The following PIGL variants were observed in gnomAD, a reference collection of about 807,000 sequenced individuals.
PIGL encodes N-acetylglucosaminyl-phosphatidylinositol de-N-acetylase.
In PIGL, 22 loss-of-function variants were observed where a neutral mutation model predicts 31.1. The ratio of observed to expected loss-of-function variants is 0.71; its 90% confidence interval spans 0.51 to 1.01. The LOEUF is 1.01. PIGL is among the 50% of genes least tolerant of loss of function. The probability of loss-of-function intolerance (pLI) is 0.00; values close to 1 mark genes in which losing one functional copy is unlikely to be tolerated. For synonymous variants in PIGL, 131 were observed against 117.4 expected, an observed-to-expected ratio of 1.12 and a Z score of -0.75; for missense variants, 302 against 315.9, an observed-to-expected ratio of 0.96 and a Z score of 0.33.
At chr17:16,219,199 C>T (rs534972841) in intron 1 of PIGL, among the ~76,000 whole-genome samples, 5 of 151,510 alleles carry the variant, frequency 3.3e-5, no homozygotes, top group African/African-American at 7.3e-5. Flanking sequence ...GGCGCCCGCC[C>T]GCCACCATGC....
chr17:16,276,854 G>A (rs2092898085), intron 2 of PIGL, among the ~76,000 whole-genome samples: 2 of 152,194 alleles, frequency 1.3e-5, no homozygotes, highest in Non-Finnish European at 2.9e-5. Flanking sequence ...CATGGTAACT[G>A]ATTTGCTTTG....
intron 5 of PIGL, 171 bp from the exon 6 acceptor site, chr17:16,317,604 G>T (rs2093083530): frequency 2.8e-6 from 4 of 1,423,352 alleles, no homozygotes; most frequent in Non-Finnish European, 3.7e-6. Context: ...ACTCGTTCTA[G>T]CTGCAAGAAT....
At chr17:16,266,171 T>C (rs980907988) in intron 2 of PIGL, among the ~76,000 whole-genome samples, 2 of 151,860 alleles carry the variant, frequency 1.3e-5, no homozygotes, top group Admixed American at 1.3e-4. Flanking sequence ...TCCCGGCACT[T>C]TGGGAGGCTG....
chr17:16,233,958 T>C lies in PIGL; in HGVS notation c.236-13T>C, dbSNP rs775521128. ...AAAAAAAAAATCTACCACTGTATAT[T>C]TGTTACCCTCAGGAAATTACTACAA... On this transcript the variant is annotated splice_polypyrimidine_tract_variant and intron_variant, in intron 1 of 6. Transcript: ENST00000225609. The C allele has an allele frequency of 6.6e-7, 1 of 1,509,166 alleles. No homozygotes were observed. Among genetic ancestry groups the C allele is most frequent in the East Asian group, 2.3e-5 (1 of 44,372 alleles). 93.5% of individuals were successfully genotyped at this position (1,509,166 alleles called of 1,614,324 possible).
chr17:16,234,829 T>G (rs2092693206), intron 2 of PIGL, among the ~76,000 whole-genome samples: 1 of 152,248 alleles, frequency 6.6e-6, no homozygotes, highest in Non-Finnish European at 1.5e-5. Flanking sequence ...AATAAATTTT[T>G]TAACTTCTGT....
intron 6 of PIGL, among the ~76,000 whole-genome samples, chr17:16,320,784 G>A (rs1427117794): frequency 1.3e-5 from 2 of 151,248 alleles, no homozygotes; most frequent in Admixed American, 6.6e-5. Flanking sequence ...ACAGGTTCAC[G>A]CCACCAGGCC....
intron 6 of PIGL, among the ~76,000 whole-genome samples, chr17:16,325,332 C>CAAAA (rs55958956): frequency 3.5e-4 from 24 of 69,264 alleles, no homozygotes; most frequent in Admixed American, 6.9e-4. Context: ...GCAACAGGCT[C>CAAAA]AAAAAAAAAA....
chr17:16,314,207 T>C (rs1568843347), intron 4 of PIGL, among the ~76,000 whole-genome samples: 1 of 152,210 alleles, frequency 6.6e-6, no homozygotes, highest in Non-Finnish European at 1.5e-5. Context: ...CAAACATAGA[T>C]GTGTTTCCTG....
At position 16,307,333 on chromosome 17, in the gene PIGL, T is replaced by C. The variant is rs539925001; in HGVS notation, c.427-6214T>C. Among the ~76,000 whole-genome samples the C allele has an allele frequency of 8.5e-5, 13 of 152,320 alleles. No individual in the cohort carries two copies. In the East Asian group the frequency reaches 2.5e-3, roughly 29 times the overall value. The stretch of plus-strand genomic sequence containing the variant: ...TTGGTCCTCTTGCTAGGCCATAGGG[T>C]GTGCCAGTGCAGTAAAGTCCAGGGC... On this transcript the variant is annotated intron_variant, in intron 3 of 6. Coordinates refer to ENST00000225609, the MANE Select transcript of PIGL (RefSeq NM_004278.4).
chr17:16,314,065 G>A (rs2093065984), intron 4 of PIGL, among the ~76,000 whole-genome samples: 1 of 152,178 alleles, frequency 6.6e-6, no homozygotes, highest in South Asian at 2.1e-4. Context: ...CTTTCTTGGA[G>A]AAGGAGGATA....
At chr17:16,229,847 T>A (rs905202604) in intron 1 of PIGL, among the ~76,000 whole-genome samples, 2 of 145,678 alleles carry the variant, frequency 1.4e-5, no homozygotes, top group African/African-American at 5.0e-5. Context: ...TAGTTTCATT[T>A]TAAAGTCATG....
intron 2 of PIGL, among the ~76,000 whole-genome samples, chr17:16,289,066 T>C (rs1406146911): frequency 2.0e-5 from 3 of 149,506 alleles, no homozygotes; most frequent in Non-Finnish European, 3.0e-5. Flanking sequence ...TCAGAGCTTG[T>C]CTTTTATAAT....
At chr17:16,238,762 A>T (rs2092710171) in intron 2 of PIGL, among the ~76,000 whole-genome samples, 2 of 150,248 alleles carry the variant, frequency 1.3e-5, no homozygotes, top group Admixed American at 1.3e-4. Context: ...TAAAAAAATT[A>T]GCCAGATGTG....
chr17:16,221,473 A>G (rs970608482), intron 1 of PIGL, among the ~76,000 whole-genome samples: 4 of 138,988 alleles, frequency 2.9e-5, no homozygotes, highest in African/African-American at 5.4e-5. Context: ...TTTTTTTGAG[A>G]CGGAGTCTCA....
In PIGL at chr17:16,227,342, C is replaced by T. The variant is rs575721368; in HGVS notation, c.236-6629C>T. ...GCCAGGCTAGTCTCAAACTCCTGAC[C>T]TCAAGTAATCCGCCTGCCTTGGCCT... On this transcript the variant is annotated intron_variant, in intron 1 of 6. Transcript: ENST00000225609. Among the ~76,000 whole-genome samples the T allele has an allele frequency of 4.7e-4, 72 of 152,058 alleles. 1 individual carries two copies. The highest frequency in any genetic ancestry group is 6.8e-3 in the Middle Eastern group (2 of 294).
Position 16,326,058 on chromosome 17 carries a change from C to T in PIGL, c.*160C>T. 1.7e-6 allele frequency: 1 copy of T among 575,878 alleles called. No homozygotes were observed. 35.7% of individuals were successfully genotyped at this position (575,878 alleles called of 1,614,324 possible). On this transcript the variant is annotated 3_prime_UTR_variant, in exon 7 of 7. Transcript: ENST00000225609. ...CCATGTAGGCCAGGGGCTGTCCAAA[C>T]TCCAGCTTCTTCCCCTGGGAAAAAA... is the stretch of plus-strand genomic sequence containing the variant.
chr17:16,285,308 C>G (rs544626262), intron 2 of PIGL, among the ~76,000 whole-genome samples: 13 of 152,306 alleles, frequency 8.5e-5, no homozygotes, highest in South Asian at 2.1e-4. Flanking sequence ...AAATCCAGGC[C>G]GGGCGCGGTG....
intron 2 of PIGL, among the ~76,000 whole-genome samples, chr17:16,250,564 A>T (rs72835343): frequency 1.3e-5 from 2 of 152,206 alleles, no homozygotes; most frequent in African/African-American, 4.8e-5. Flanking sequence ...CCTAACCCAG[A>T]AAAAGCAGAG....
chr17:16,296,861 C>T (rs1389277985), intron 2 of PIGL, among the ~76,000 whole-genome samples: 13 of 151,668 alleles, frequency 8.6e-5, no homozygotes, highest in Admixed American at 2.6e-4. Flanking sequence ...GGACTACAGG[C>T]GCCCGCCACC....
Sources: allele counts gnomAD v4.1 joint callset (sites outside exome capture counted in the v4.1 genomes callset), GRCh38; gene constraint gnomAD v4.1.1; transcripts MANE v1.5; gene names NCBI Gene and HGNC (gene_info 2026-07-23, HGNC 2026-07-21).